TTC34: variants seen among roughly 807,000 people sequenced by gnomAD.
TTC34 encodes the protein tetratricopeptide repeat protein 34.
In TTC34, 44 loss-of-function variants were observed where a neutral mutation model predicts 40.7. The observed-to-expected ratio is 1.08, with a 90% CI of 0.85 to 1.39. TTC34 has a LOEUF of 1.39. TTC34 is among the 40% of genes most tolerant of loss of function. The pLI is 0.00. For missense variants in TTC34, 884 were observed against 838.0 expected (o/e 1.05, Z -0.68); for synonymous variants, 422 against 398.6 (o/e 1.06, Z -0.70).
chr1:2,694,027 C>T lies in TTC34; in HGVS notation c.2227-48464G>A, dbSNP rs1204361572. 3.3e-4 allele frequency among the ~76,000 whole-genome samples: 36 copies of T among 108,390 alleles called. 2 individuals carry two copies. The highest frequency in any genetic ancestry group is 9.8e-4 in the African/African-American group (30 of 30,718). 71.1% of individuals were successfully genotyped at this position (108,390 alleles called of 152,430 possible). On this transcript the variant is annotated intron_variant, in intron 6 of 8. Transcript: ENST00000401095. Reference sequence around the variant, plus strand: ...CTGACCGCCTGGAACAGCACCCACACCCCCAGGCGAGCATCTCACAGCACG... The same window carrying T: ...CTGACCGCCTGGAACAGCACCCACATCCCCAGGCGAGCATCTCACAGCACG...
exon 4 of TTC34, chr1:2,787,636 G>A: frequency 6.5e-7 from 1 of 1,550,022 alleles, no homozygotes; most frequent in Non-Finnish European, 8.7e-7. Context: ...GCCGCCAGGA[G>A]GCGAGAGGCC....
At chr1:2,692,424 C>T (rs376608465) in intron 6 of TTC34, among the ~76,000 whole-genome samples, 1 of 112,668 alleles carries the variant, frequency 8.9e-6, no homozygotes, top group African/African-American at 3.2e-5. Flanking sequence ...GCACCCACAC[C>T]CCCAGGTGAG....
intron 6 of TTC34, among the ~76,000 whole-genome samples, chr1:2,648,444 A>G (rs1639062003): frequency 6.6e-6 from 1 of 152,204 alleles, no homozygotes; most frequent in African/African-American, 2.4e-5. Context: ...CTGAATGCCC[A>G]AGATGTTCAG....
rs1281234761 is a variant in TTC34, at chr1:2,645,903, C to G, written c.2227-340G>C. 6.6e-6 allele frequency among the ~76,000 whole-genome samples: 1 copy of G among 152,194 alleles called. No homozygotes were observed. The highest frequency in any genetic ancestry group is 1.9e-4 in the East Asian group (1 of 5,192). ...GTGAGCCCTCCCTGGGTCCCTCGCT[C>G]TCCCAGCTTGTAGCTGGCTCCCTCC... On this transcript the variant is annotated intron_variant, in intron 6 of 8. Coordinates refer to ENST00000401095, the Ensembl canonical transcript of TTC34. This position sits in a 1 kb window ranked among gnomAD's most constrained non-coding sequence, Gnocchi z 4.7.
chr1:2,750,741 C>G (rs1165645677), intron 6 of TTC34, among the ~76,000 whole-genome samples: 26 of 143,006 alleles, frequency 1.8e-4, no homozygotes, highest in Middle Eastern at 4.0e-3. Context: ...AGGTGAGCAT[C>G]TGATGGTCTG....
intron 2 of TTC34, among the ~76,000 whole-genome samples, chr1:2,798,997 G>A (rs1460444591): frequency 7.0e-6 from 1 of 142,170 alleles, no homozygotes; most frequent in Non-Finnish European, 1.5e-5. Context: ...AAGCCTCCCA[G>A]CCTCCCAGCC....
intron 3 of TTC34, among the ~76,000 whole-genome samples, chr1:2,788,425 CGTGTGTGTGTT>C (rs1263542066): frequency 6.6e-6 from 1 of 150,424 alleles, no homozygotes; most frequent in Admixed American, 6.6e-5. Context: ...ATGTGTTGTG[CGTGTGTGTGTT>C]GTGTGTGTGC....
At chr1:2,756,993 G>T (rs1263388429) in intron 6 of TTC34, among the ~76,000 whole-genome samples, 3,973 of 67,808 alleles carry the variant, frequency 0.059, no homozygotes, top group Middle Eastern at 0.14. Context: ...ACACGCCCAG[G>T]TGAGCCTCTG....
chr1:2,797,772 C>T (rs907462008), intron 2 of TTC34, among the ~76,000 whole-genome samples: 9 of 151,922 alleles, frequency 5.9e-5, no homozygotes, highest in African/African-American at 9.7e-5. Context: ...AAACTGGGGG[C>T]GTCTAAACCT....
chr1:2,685,740 T>C (rs1262621088), intron 6 of TTC34, among the ~76,000 whole-genome samples: 10 of 82,612 alleles, frequency 1.2e-4, no homozygotes, highest in East Asian at 4.2e-4. Context: ...CATCTGATGG[T>C]CTGGAGCAGA....
Position 2,791,795 on chromosome 1 carries a change from C to T in TTC34, c.785-1449G>A, listed in dbSNP as rs1211540427. ...TGGGGCGCTGTTATTTATGTTCCCACGTGAAAGGGTGATCTCTCCTCTCTT... is the reference window on the plus strand; with the variant it reads ...TGGGGCGCTGTTATTTATGTTCCCATGTGAAAGGGTGATCTCTCCTCTCTT... On this transcript the variant is annotated intron_variant, in intron 2 of 8. Transcript: ENST00000401095. 2.0e-5 allele frequency among the ~76,000 whole-genome samples: 3 copies of T among 151,970 alleles called. No individual in the cohort carries two copies. In the East Asian group the frequency reaches 5.8e-4, roughly 29 times the overall value.
At position 2,783,740 on chromosome 1, in the gene TTC34, G is replaced by C. The variant is rs371838549; in HGVS notation, c.2095C>G (p.Arg699Gly). The stretch of plus-strand genomic sequence containing the variant: ...TTCTGGCCCAGGAACCCATAGCAGC[G>C]GGCTCGGGCAAGGAGGGACTCACTT... The change falls in exon 6 of 9, where the codon CGC becomes GGC. Residue 699 changes from arginine (R) to glycine (G), a missense_variant. Transcript: ENST00000401095. 1 of 1,540,052 alleles carries C rather than the reference G, an allele frequency of 6.5e-7. No individual in the cohort carries two copies. The highest frequency in any genetic ancestry group is 1.4e-5 in the African/African-American group (1 of 72,884).
In TTC34 at chr1:2,752,012, C is replaced by A. The variant is rs1270078753; in HGVS notation, c.2226+31597G>T. On this transcript the variant is annotated intron_variant, in intron 6 of 8. Coordinates refer to ENST00000401095, the Ensembl canonical transcript of TTC34. ...ACAGCCTGGAGCAGTGCCCACACAC[C>A]CAGCTGAGCATCTGACAGCGTGGAG... Among the ~76,000 whole-genome samples, 7 of 112,786 alleles carry A rather than the reference C, an allele frequency of 6.2e-5. 2 individuals carry two copies. The highest frequency in any genetic ancestry group is 1.2e-4 in the Non-Finnish European group (7 of 56,396). The allele number at this position is 112,786 out of a possible 152,430, so 74.0% of individuals were successfully genotyped here. A position where few individuals can be genotyped will look rare whatever the true frequency, so the allele number is the denominator to read the frequency against.
intron 6 of TTC34, among the ~76,000 whole-genome samples, chr1:2,750,618 A>T: frequency 6.6e-6 from 1 of 151,630 alleles, no homozygotes; most frequent in African/African-American, 2.4e-5. Flanking sequence ...ACAGGTGAGC[A>T]TCTGACAGCC....
At chr1:2,788,311 T>C (rs1353364815) in intron 3 of TTC34, among the ~76,000 whole-genome samples, 3 of 151,386 alleles carry the variant, frequency 2.0e-5, no homozygotes, top group Admixed American at 1.3e-4. Context: ...TATGTACATG[T>C]TGTGTGTTGT....
At chr1:2,751,865 C>CGT (rs2100432970) in intron 6 of TTC34, among the ~76,000 whole-genome samples, 1 of 40,628 alleles carries the variant, frequency 2.5e-5, no homozygotes, top group Non-Finnish European at 4.7e-5. Flanking sequence ...AGTGAGCATC[C>CGT]GACAGCCTGG....
chr1:2,687,894 T>C (rs1640438131), intron 6 of TTC34, among the ~76,000 whole-genome samples: 1 of 151,090 alleles, frequency 6.6e-6, no homozygotes, highest in Non-Finnish European at 1.5e-5. Flanking sequence ...CATCCCCAGG[T>C]GAGCATCTGA....
chr1:2,687,796 G>T (rs1480683107), intron 6 of TTC34, among the ~76,000 whole-genome samples: 1 of 129,372 alleles, frequency 7.7e-6, no homozygotes, highest in African/African-American at 3.3e-5. Context: ...AGCCTGGGTC[G>T]GCACCCACAC....
intron 6 of TTC34, among the ~76,000 whole-genome samples, chr1:2,660,670 C>G (rs1290030148): frequency 6.6e-4 from 7 of 10,572 alleles, no homozygotes; most frequent in Admixed American, 1.4e-3. Context: ...AGTGCCCACA[C>G]ACCCAGGCGA....
Sources: gnomAD v4.1 joint callset for allele counts (sites outside exome capture counted in the v4.1 genomes callset) on GRCh38, gnomAD v4.1.1 for gene constraint, Gnocchi (gnomAD v3.1) non-coding constraint, MANE v1.5 for transcripts, NCBI Gene and HGNC (gene_info 2026-07-23, HGNC 2026-07-21) for gene names.